The following MYLK variants were observed in gnomAD, a reference collection of about 807,000 sequenced individuals.
The protein encoded by MYLK is myosin light chain kinase, smooth muscle.
Under a neutral mutation model 203.4 loss-of-function variants are expected in MYLK, and 106 were observed. The observed-to-expected ratio is 0.52, with a 90% CI of 0.45 to 0.61. The LOEUF (loss-of-function observed/expected upper bound fraction) is 0.61. Among genes scored for constraint, MYLK ranks in the 20% least tolerant of loss-of-function variants. The pLI, the probability that MYLK is intolerant of heterozygous loss-of-function variation, is 0.00. For synonymous variants in MYLK, 867 were observed against 959.5 expected (o/e 0.90, Z 1.78); for missense variants, 2,072 against 2,442.3 (o/e 0.85, Z 3.20).
intron 20 of MYLK, chr3:123,681,987 GCAA>G (rs1174938325): frequency 6.8e-6 from 4 of 588,272 alleles, no homozygotes; most frequent in African/African-American, 3.7e-5. Flanking sequence ...GATGAGATGT[GCAA>G]CACCACCCAG....
intron 19 of MYLK, among the ~76,000 whole-genome samples, chr3:123,686,290 T>G (rs930871704): frequency 1.3e-5 from 2 of 151,412 alleles, no homozygotes; most frequent in South Asian, 4.2e-4. Context: ...GCCTCTACAT[T>G]GAGAGGAAAA....
At chr3:123,740,580 G>A (rs2062827400) in intron 5 of MYLK, among the ~76,000 whole-genome samples, 1 of 152,274 alleles carries the variant, frequency 6.6e-6, no homozygotes, top group African/African-American at 2.4e-5. Flanking sequence ...CTACAGCGGA[G>A]CCAGCAGCTC....
Position 123,711,753 on chromosome 3 carries a change from C to T in MYLK, c.1805-1860G>A, listed in dbSNP as rs113310922. 8.3e-3 allele frequency among the ~76,000 whole-genome samples: 1,261 copies of T among 152,272 alleles called. 14 individuals are homozygous for T. Among genetic ancestry groups the T allele is most frequent in the African/African-American group, 0.027 (1,118 of 41,538 alleles). On this transcript the variant is annotated intron_variant, in intron 13 of 33. Coordinates refer to ENST00000360304, the MANE Select transcript of MYLK (RefSeq NM_053025.4). ...GGGTTAGGATATCTCTAACTTAAAC[C>T]CTAAGTTTCTGGGGAAAGGGCCACA...
At chr3:123,649,516 C>T (rs746016756) in intron 24 of MYLK, among the ~76,000 whole-genome samples, 1 of 152,210 alleles carries the variant, frequency 6.6e-6, no homozygotes, top group Non-Finnish European at 1.5e-5. Flanking sequence ...ACTTTCAGAA[C>T]CTACACACAA....
intron 3 of MYLK, among the ~76,000 whole-genome samples, chr3:123,816,223 T>A (rs548476961): frequency 6.6e-6 from 1 of 152,376 alleles, no homozygotes; most frequent in South Asian, 2.1e-4. Context: ...CATGGAAGCA[T>A]GAAGTAGGCG....
chr3:123,822,167 A>G (rs2065959696), intron 3 of MYLK, among the ~76,000 whole-genome samples: 1 of 152,196 alleles, frequency 6.6e-6, no homozygotes, highest in African/African-American at 2.4e-5. Context: ...CCAGAACTGT[A>G]AGAAATAAGT....
At chr3:123,638,778 G>A in intron 28 of MYLK, 1 of 985,394 alleles carries the variant, frequency 1.0e-6, no homozygotes, top group Non-Finnish European at 1.2e-6. Context: ...CTTCATGGCT[G>A]TCCTTCAGGA....
chr3:123,724,770 G>A (rs1356203107), intron 12 of MYLK, among the ~76,000 whole-genome samples: 2 of 151,474 alleles, frequency 1.3e-5, no homozygotes, highest in Non-Finnish European at 2.9e-5. Context: ...ATTTATTGGA[G>A]TTTTGCTCTT....
chr3:123,810,349 T>C (rs1357326177), intron 3 of MYLK, among the ~76,000 whole-genome samples: 6 of 152,268 alleles, frequency 3.9e-5, no homozygotes, highest in African/African-American at 1.4e-4. Flanking sequence ...GGCCACTCTC[T>C]GGAACGAAGA....
At chr3:123,663,816 A>G (rs1052266895) in intron 23 of MYLK, among the ~76,000 whole-genome samples, 2 of 152,160 alleles carry the variant, frequency 1.3e-5, no homozygotes, top group Non-Finnish European at 2.9e-5. Context: ...CTAGATGCCA[A>G]GGCCTGAGGG....
chr3:123,777,486 C>T (rs868099596), intron 4 of MYLK, among the ~76,000 whole-genome samples: 1 of 152,194 alleles, frequency 6.6e-6, no homozygotes, highest in African/African-American at 2.4e-5. Context: ...ACTGGTCCAC[C>T]CTGAGGTATA....
intron 20 of MYLK, chr3:123,681,042 T>A (rs1019533062): frequency 1.3e-5 from 2 of 152,214 alleles, no homozygotes; most frequent in African/African-American, 4.8e-5. Flanking sequence ...TAATTACATA[T>A]CAAGTATTAT....
chr3:123,776,090 C>T (rs536996775), intron 4 of MYLK, among the ~76,000 whole-genome samples: 147 of 152,272 alleles, frequency 9.7e-4, no homozygotes, highest in African/African-American at 3.0e-3. Context: ...CCCTCCTGAC[C>T]GCTTGGTACC....
intron 29 of MYLK, chr3:123,630,470 G>A (rs2058366034): frequency 6.6e-6 from 1 of 152,186 alleles, no homozygotes; most frequent in Non-Finnish European, 1.5e-5. Context: ...TATGATGCAA[G>A]TAATTCTTAT....
intron 4 of MYLK, among the ~76,000 whole-genome samples, chr3:123,762,022 C>T (rs1343169010): frequency 2.6e-5 from 4 of 152,008 alleles, no homozygotes; most frequent in Admixed American, 1.3e-4. Flanking sequence ...AGCGAAACTC[C>T]GCCTCAAAAA....
At chr3:123,706,793 T>A (rs575514209) in intron 16 of MYLK, among the ~76,000 whole-genome samples, 2 of 142,686 alleles carry the variant, frequency 1.4e-5, no homozygotes, top group Non-Finnish European at 2.9e-5. Context: ...GTGTGCCTCA[T>A]GGAAATGTAG....
At chr3:123,814,485 G>A (rs776004947) in intron 3 of MYLK, among the ~76,000 whole-genome samples, 6 of 152,270 alleles carry the variant, frequency 3.9e-5, no homozygotes, top group East Asian at 1.9e-4. Context: ...AAGTTTGGTC[G>A]TGAGTACGAT....
chr3:123,733,215 C>T, intron 10 of MYLK, 113 bp from the exon 11 acceptor site: 1 of 1,172,358 alleles, frequency 8.5e-7, no homozygotes, highest in Non-Finnish European at 1.2e-6. Flanking sequence ...TGGTGTGGAG[C>T]TGCCCTCCCA....
intron 21 of MYLK, chr3:123,666,796 C>A (rs376098113): frequency 4.3e-5 from 23 of 539,104 alleles, no homozygotes; most frequent in African/African-American, 2.8e-4. Flanking sequence ...CAAAAATAGC[C>A]CCAAGAGGGT....
Sources: gnomAD v4.1 joint callset for allele counts (sites outside exome capture counted in the v4.1 genomes callset) on GRCh38, gnomAD v4.1.1 for gene constraint, MANE v1.5 for transcripts, NCBI Gene and HGNC (gene_info 2026-07-23, HGNC 2026-07-21) for gene names.